Variants in ARHGEF38 observed in about 807,000 individuals in gnomAD.
ARHGEF38 encodes Rho guanine nucleotide exchange factor 38.
Under a neutral mutation model 79.9 loss-of-function variants are expected in ARHGEF38, and 79 were observed. The observed-to-expected ratio is 0.99, with a 90% CI of 0.82 to 1.19. The LOEUF (loss-of-function observed/expected upper bound fraction) is 1.19, where lower values mean the gene tolerates loss of function less well. ARHGEF38 is among the 50% of genes most tolerant of loss of function. The probability of loss-of-function intolerance (pLI) is 0.00; values close to 1 mark genes in which losing one functional copy is unlikely to be tolerated. For missense variants in ARHGEF38, 962 were observed against 907.2 expected, an observed-to-expected ratio of 1.06 and a Z score of -0.78; for synonymous variants, 366 against 328.3, an observed-to-expected ratio of 1.11 and a Z score of -1.24.
chr4:105,555,261 T>C (rs934094117), intron 1 of ARHGEF38, among the ~76,000 whole-genome samples: 1 of 152,064 alleles, frequency 6.6e-6, no homozygotes, highest in Non-Finnish European at 1.5e-5. Context: ...GAGGAGCACA[T>C]AAGCCATAAA....
At chr4:105,600,406 TC>T (rs1262348371) in intron 2 of ARHGEF38, among the ~76,000 whole-genome samples, 1 of 152,150 alleles carries the variant, frequency 6.6e-6, no homozygotes, top group African/African-American at 2.4e-5. Context: ...CCTTCTGTCT[TC>T]CAGGACTCTA....
At position 105,589,256 on chromosome 4, in the gene ARHGEF38, A is replaced by G. The variant is rs750272533; in HGVS notation, c.205A>G (p.Thr69Ala). 1.2e-6 allele frequency: 2 copies of G among 1,606,414 alleles called. No individual in the cohort carries two copies. Among genetic ancestry groups the G allele is most frequent in the South Asian group, 1.1e-5 (1 of 89,222 alleles). The change falls in exon 2 of 14, where the codon ACT (threonine) becomes GCT (alanine). Residue 69 changes from threonine (T) to alanine (A), a missense_variant. Transcript: ENST00000420470. The part of the protein sequence containing the change: ...EYNQKLQEKM[T>A]PQGECSVAET... ...ATGTTTTCATTTAACAGAAAAGATGACTCCACAGGGTGAGTGTTCTGTAGC... is the reference window on the plus strand; with the variant it reads ...ATGTTTTCATTTAACAGAAAAGATGGCTCCACAGGGTGAGTGTTCTGTAGC...
At chr4:105,620,804 C>G (rs556617939) in intron 3 of ARHGEF38, among the ~76,000 whole-genome samples, 9 of 148,772 alleles carry the variant, frequency 6.0e-5, no homozygotes, top group African/African-American at 1.8e-4. Context: ...TGGACCATGC[C>G]TCCTAGTTCA....
intron 10 of ARHGEF38, among the ~76,000 whole-genome samples, chr4:105,661,474 T>TTTTTTATTATTA (rs1491231014): frequency 1.4e-5 from 2 of 141,794 alleles, no homozygotes; most frequent in African/African-American, 5.2e-5. Flanking sequence ...TCCACACCTC[T>TTTTTTATTATTA]TTATTATTAT....
intron 1 of ARHGEF38, chr4:105,561,519 A>AATG (rs1725618809): frequency 7.2e-6 from 1 of 138,068 alleles, no homozygotes; most frequent in Non-Finnish European, 1.6e-5. Flanking sequence ...AGAATAGAAT[A>AATG]GAATAGAATA....
chr4:105,593,769 T>C (rs1487739319), intron 2 of ARHGEF38, among the ~76,000 whole-genome samples: 1 of 152,192 alleles, frequency 6.6e-6, no homozygotes, highest in Non-Finnish European at 1.5e-5. Flanking sequence ...CTTTTACTTT[T>C]TGTTATTTTT....
At chr4:105,595,960 C>G (rs72669971) in intron 2 of ARHGEF38, among the ~76,000 whole-genome samples, 6,973 of 152,180 alleles carry the variant, frequency 0.046, 211 homozygotes, top group Middle Eastern at 0.11. Flanking sequence ...CTGATGACAA[C>G]TATATATTTA....
intron 13 of ARHGEF38, among the ~76,000 whole-genome samples, chr4:105,674,881 G>A (rs1330151340): frequency 6.6e-6 from 1 of 151,984 alleles, no homozygotes; most frequent in Non-Finnish European, 1.5e-5. Flanking sequence ...ATTTAGAAAT[G>A]TTCTATTAGT....
chr4:105,648,534 A>G lies in ARHGEF38; in HGVS notation c.875-15A>G. The G allele has an allele frequency of 6.7e-7, 1 of 1,492,870 alleles. No individual in the cohort carries two copies. Among genetic ancestry groups the G allele is most frequent in the East Asian group, 2.5e-5 (1 of 40,620 alleles). The allele number at this position is 1,492,870 out of a possible 1,614,324, so 92.5% of individuals were successfully genotyped here. ...TGCATGTGTTCAGCTACGTTATTACATTCTTCCTTTTCAGTTCTAAAATAC... is the reference window on the plus strand; with the variant it reads ...TGCATGTGTTCAGCTACGTTATTACGTTCTTCCTTTTCAGTTCTAAAATAC... On this transcript the variant is annotated splice_polypyrimidine_tract_variant and intron_variant, in intron 6 of 13. Coordinates refer to ENST00000420470, the MANE Select transcript of ARHGEF38 (RefSeq NM_001242729.2).
chr4:105,560,941 T>G (rs1725488385), intron 1 of ARHGEF38, among the ~76,000 whole-genome samples: 1 of 152,196 alleles, frequency 6.6e-6, no homozygotes. Context: ...TCAGATTTTA[T>G]TCAATGGAAA....
Position 105,678,986 on chromosome 4 carries a change from G to A in ARHGEF38, c.*1049G>A, listed in dbSNP as rs78247313. 33 of 270,032 alleles carry A rather than the reference G, an allele frequency of 1.2e-4. No individual in the cohort carries two copies. Among genetic ancestry groups the A allele is most frequent in the Non-Finnish European group, 2.0e-4 (30 of 147,516 alleles). The allele number at this position is 270,032 out of a possible 1,614,324, so 16.7% of individuals were successfully genotyped here. ...CCTCAACAATGATGACCTAATTTTT[G>A]ATCCATAATGTAAGATTAGGTAGAA... On this transcript the variant is annotated 3_prime_UTR_variant, in exon 14 of 14. Transcript: ENST00000420470.
At chr4:105,603,092 C>A (rs780869260) in intron 2 of ARHGEF38, among the ~76,000 whole-genome samples, 7 of 152,112 alleles carry the variant, frequency 4.6e-5, no homozygotes, top group Non-Finnish European at 1.0e-4. Context: ...TGGGAACTGC[C>A]TTTAGCAGCT....
At chr4:105,620,775 C>G (rs1003143551) in intron 3 of ARHGEF38, among the ~76,000 whole-genome samples, 1 of 152,090 alleles carries the variant, frequency 6.6e-6, no homozygotes, top group African/African-American at 2.4e-5. Context: ...AGTAATTAGT[C>G]TCCAAAGATG....
In ARHGEF38 at chr4:105,579,288, C is replaced by T. The variant is rs148169108; in HGVS notation, c.197-9960C>T. 6.6e-5 allele frequency among the ~76,000 whole-genome samples: 10 copies of T among 152,180 alleles called. No individual in the cohort carries two copies. In the East Asian group the frequency reaches 9.6e-4, roughly 15 times the overall value. On this transcript the variant is annotated intron_variant, in intron 1 of 13. Coordinates refer to ENST00000420470, the MANE Select transcript of ARHGEF38 (RefSeq NM_001242729.2). ...CTATGATGAGTTAGAGTGGTGAGAG[C>T]GGGCATTCTTGTCTTGTGCCAGTTT...
chr4:105,578,042 T>A (rs1347680746), intron 1 of ARHGEF38, among the ~76,000 whole-genome samples: 1 of 152,206 alleles, frequency 6.6e-6, no homozygotes, highest in Non-Finnish European at 1.5e-5. Context: ...TCTTTTAGAC[T>A]TTTTAATGTG....
intron 1 of ARHGEF38, among the ~76,000 whole-genome samples, chr4:105,569,043 A>G (rs1344285746): frequency 1.3e-5 from 2 of 152,214 alleles, no homozygotes; most frequent in Non-Finnish European, 2.9e-5. Flanking sequence ...GTAGCTATTG[A>G]AAAACAATAT....
chr4:105,591,633 A>G (rs1442718812), intron 2 of ARHGEF38, among the ~76,000 whole-genome samples: 2 of 152,248 alleles, frequency 1.3e-5, no homozygotes, highest in South Asian at 2.1e-4. Flanking sequence ...AAGACAATGT[A>G]TAAAGAGGAG....
intron 1 of ARHGEF38, among the ~76,000 whole-genome samples, chr4:105,567,140 T>G (rs939777870): frequency 4.6e-5 from 7 of 152,196 alleles, no homozygotes; most frequent in Non-Finnish European, 8.8e-5. Context: ...GTGCCTGACT[T>G]TTTTCACTTA....
intron 1 of ARHGEF38, among the ~76,000 whole-genome samples, chr4:105,576,658 T>C (rs1004533555): frequency 1.3e-5 from 2 of 152,174 alleles, no homozygotes; most frequent in African/African-American, 4.8e-5. Context: ...GTGGATCCCC[T>C]TATTTTCTTC....
Sources: allele counts gnomAD v4.1 joint callset (sites outside exome capture counted in the v4.1 genomes callset), GRCh38; gene constraint gnomAD v4.1.1; transcripts MANE v1.5; gene names NCBI Gene and HGNC (gene_info 2026-07-23, HGNC 2026-07-21).